MYOCD: variants seen among roughly 807,000 people sequenced by gnomAD.
MYOCD encodes the protein myocardin.
In MYOCD, 32 loss-of-function variants were observed where a neutral mutation model predicts 96.1. The ratio of observed to expected loss-of-function variants is 0.33; its 90% CI spans 0.25 to 0.45. MYOCD has a LOEUF of 0.45. Ranked by LOEUF, MYOCD falls within the 20% of genes least tolerant of loss-of-function variation. The pLI is 1.00. For missense variants in MYOCD, 1,133 were observed against 1,200.6 expected (o/e 0.94, Z 0.83); for synonymous variants, 469 against 469.0 (o/e 1.00, Z 0.00).
chr17:12,677,033 A>G (rs1288792539), intron 1 of MYOCD, among the ~76,000 whole-genome samples: 1 of 152,228 alleles, frequency 6.6e-6, no homozygotes, highest in African/African-American at 2.4e-5. Context: ...TTATTCACAC[A>G]TGAATATTAA....
chr17:12,727,976 G>A (rs1041747373), intron 5 of MYOCD, among the ~76,000 whole-genome samples: 12 of 152,198 alleles, frequency 7.9e-5, no homozygotes, highest in African/African-American at 2.7e-4. Flanking sequence ...ACATTCTGTA[G>A]GGTAATAGGG....
chr17:12,763,955 T>C lies in MYOCD; in HGVS notation c.*311T>C, dbSNP rs2033263011. ...AGTATATTTTCTAGCCCATAATTTT[T>C]CTCAGGCATTGTTGGGGCATAAGCT... On this transcript the variant is annotated 3_prime_UTR_variant, in exon 14 of 14. Coordinates refer to ENST00000425538, the MANE Select transcript of MYOCD (RefSeq NM_001146312.3). 4.5e-6 allele frequency: 1 copy of C among 224,238 alleles called. No individual in the cohort carries two copies. The highest frequency in any genetic ancestry group is 8.6e-6 in the Non-Finnish European group (1 of 116,010). 13.9% of individuals were successfully genotyped at this position (224,238 alleles called of 1,614,324 possible). A position where few individuals can be genotyped will look rare whatever the true frequency, so the allele number is the denominator to read the frequency against.
In MYOCD at chr17:12,763,101, C is replaced by G. The variant is rs750416955; in HGVS notation, c.2418C>G (p.His806Gln). 2 of 1,613,366 alleles carry G rather than the reference C, an allele frequency of 1.2e-6. No homozygotes were observed. Among genetic ancestry groups the G allele is most frequent in the African/African-American group, 2.7e-5 (2 of 74,886 alleles). ...TGCCAGCAGACGCTAGAGAGGATCA[C>G]TCATGTCTTCAAAAAGTCCCAAAGA... is the stretch of plus-strand genomic sequence containing the variant. ...GEMPADARED[H>Q]SCLQKVPKIP... The change falls in exon 14 of 14, where the codon CAC becomes CAG. Residue 806 changes from histidine to glutamine, a missense_variant. Physicochemically the swap from His to Gln is conservative, Grantham distance 24. Transcript: ENST00000425538.
intron 1 of MYOCD, among the ~76,000 whole-genome samples, chr17:12,668,169 T>A (rs993901207): frequency 2.0e-5 from 3 of 152,250 alleles, no homozygotes; most frequent in African/African-American, 7.2e-5. Context: ...ATGTCTTTTA[T>A]TTTGTCACCA....
intron 2 of MYOCD, among the ~76,000 whole-genome samples, chr17:12,713,979 G>C (rs1439999309): frequency 2.0e-5 from 3 of 152,054 alleles, no homozygotes; most frequent in Admixed American, 2.0e-4. Context: ...CTAGATCAAT[G>C]GTATTCAAGA....
At chr17:12,685,123 C>A (rs959324677) in intron 1 of MYOCD, among the ~76,000 whole-genome samples, 1 of 151,454 alleles carries the variant, frequency 6.6e-6, no homozygotes, top group African/African-American at 2.4e-5. Flanking sequence ...TGGTGAAACC[C>A]CATCTCTACT....
At chr17:12,763,029 C>G (rs1304771381) in intron 13 of MYOCD, 44 bp from the exon 14 acceptor site, 1 of 1,515,662 alleles carries the variant, frequency 6.6e-7, no homozygotes, top group African/African-American at 1.4e-5. Context: ...GTGGCATGCT[C>G]AATTTGAAGT....
intron 9 of MYOCD, among the ~76,000 whole-genome samples, chr17:12,750,661 C>A (rs1448612811): frequency 6.6e-6 from 1 of 152,118 alleles, no homozygotes; most frequent in African/African-American, 2.4e-5. Context: ...TGCACTCCAG[C>A]CTGACCAACA....
intron 6 of MYOCD, among the ~76,000 whole-genome samples, chr17:12,737,181 G>C (rs1028223122): frequency 6.6e-6 from 1 of 152,116 alleles, no homozygotes; most frequent in African/African-American, 2.4e-5. Context: ...CTTGAAACCG[G>C]AAGGCAGAGG....
rs368453067 is a variant in MYOCD at position 12,758,264 on chromosome 17, G to T, written c.2331+51G>T. On this transcript the variant is annotated intron_variant, in intron 12 of 13. Transcript: ENST00000425538. ...GAAGAATAGACTGACTCAATGAACA[G>T]ACATTGTTTGATATGATTAAACTTC... 57 of 1,610,914 alleles carry T rather than the reference G, an allele frequency of 3.5e-5. No individual in the cohort carries two copies. In the African/African-American group the frequency reaches 6.8e-4, roughly 19 times the overall value.
At chr17:12,666,420 C>G (rs1909378555) in intron 1 of MYOCD, among the ~76,000 whole-genome samples, 177 bp downstream of exon 1, 1 of 152,134 alleles carries the variant, frequency 6.6e-6, no homozygotes, top group Non-Finnish European at 1.5e-5. Flanking sequence ...TTCGTGTCTT[C>G]CGTTGTAAGT....
At chr17:12,694,704 A>G (rs1283333905) in intron 1 of MYOCD, among the ~76,000 whole-genome samples, 2 of 152,130 alleles carry the variant, frequency 1.3e-5, no homozygotes, top group Non-Finnish European at 2.9e-5. Flanking sequence ...AAACGCCTTC[A>G]AATTTGACAT....
chr17:12,748,287 G>C (rs922224143), intron 9 of MYOCD, among the ~76,000 whole-genome samples: 1 of 152,098 alleles, frequency 6.6e-6, no homozygotes, highest in African/African-American at 2.4e-5. Flanking sequence ...ATTTTAAGGT[G>C]TGATAATGTT....
intron 4 of MYOCD, 123 bp from the exon 5 acceptor site, chr17:12,722,724 A>G: frequency 1.3e-6 from 1 of 766,864 alleles, no homozygotes; most frequent in Non-Finnish European, 2.1e-6. Context: ...TTGCATCGAA[A>G]AATTATTAGG....
chr17:12,765,011 A>G lies in MYOCD; in HGVS notation c.*1367A>G, dbSNP rs931698648. On this transcript the variant is annotated 3_prime_UTR_variant, in exon 14 of 14. Transcript: ENST00000425538. Reference sequence around the variant, plus strand: ...TGCTCTGGGGAAATTGGAAATCATTACATTGTAAAGACAAATATGGATGAT... The same window carrying G: ...TGCTCTGGGGAAATTGGAAATCATTGCATTGTAAAGACAAATATGGATGAT... The G allele has an allele frequency of 3.0e-4, 45 of 152,230 alleles. No individual in the cohort carries two copies. The highest frequency in any genetic ancestry group is 9.9e-4 in the African/African-American group (41 of 41,464). 9.4% of individuals were successfully genotyped at this position (152,230 alleles called of 1,614,324 possible). A position where few individuals can be genotyped will look rare whatever the true frequency, so the allele number is the denominator to read the frequency against.
chr17:12,758,253 C>T (rs748596298), intron 12 of MYOCD, 40 bp downstream of exon 12: 15 of 1,612,732 alleles, frequency 9.3e-6, no homozygotes, highest in African/African-American at 1.3e-5. Flanking sequence ...AATAGACTGA[C>T]TCAATGAACA....
chr17:12,754,349 G>A (rs1042255728), intron 10 of MYOCD, among the ~76,000 whole-genome samples: 18 of 152,276 alleles, frequency 1.2e-4, no homozygotes, highest in South Asian at 6.2e-4. Context: ...TGATCCGCCC[G>A]CCTTGGCCTC....
At chr17:12,761,835 G>C (rs563518294) in intron 13 of MYOCD, 7 of 152,468 alleles carry the variant, frequency 4.6e-5, no homozygotes, top group Non-Finnish European at 8.8e-5. Context: ...ATGTTGGCCA[G>C]GATGGTCTCA....
intron 5 of MYOCD, among the ~76,000 whole-genome samples, chr17:12,727,308 C>T (rs1199143986): frequency 2.0e-5 from 3 of 152,082 alleles, no homozygotes; most frequent in Non-Finnish European, 4.4e-5. Context: ...TAGCAATGAC[C>T]CTTTAAATGT....
Sources: gnomAD v4.1 joint callset for allele counts (sites outside exome capture counted in the v4.1 genomes callset) on GRCh38, gnomAD v4.1.1 for gene constraint, MANE v1.5 for transcripts, NCBI Gene and HGNC (gene_info 2026-07-23, HGNC 2026-07-21) for gene names.